Variants in GPATCH2L observed in about 807,000 individuals in gnomAD.
GPATCH2L encodes the protein G patch domain-containing protein 2-like.
GPATCH2L carries 31 observed loss-of-function variants against 57.4 expected under a neutral mutation model. That is an observed-to-expected ratio of 0.54 (90% CI 0.41 to 0.73). GPATCH2L has a LOEUF of 0.73. GPATCH2L is among the 30% of genes least tolerant of loss of function. The probability of loss-of-function intolerance (pLI) is 0.00; values close to 1 mark genes in which losing one functional copy is unlikely to be tolerated. For synonymous variants in GPATCH2L, 199 were observed against 210.7 expected (o/e 0.94, Z 0.48); for missense variants, 481 against 599.9 (o/e 0.80, Z 2.07).
In GPATCH2L at chr14:76,202,521, AAG is replaced by A. The variant is rs969636531; in HGVS notation, c.*673_*674del. The A allele has an allele frequency of 1.9e-4, 24 of 126,548 alleles. No homozygotes were observed. Among genetic ancestry groups the A allele is most frequent in the African/African-American group, 6.0e-4 (19 of 31,870 alleles). 7.8% of individuals were successfully genotyped at this position (126,548 alleles called of 1,614,324 possible). A position where few individuals can be genotyped will look rare whatever the true frequency, so the allele number is the denominator to read the frequency against. On this transcript the variant is annotated 3_prime_UTR_variant, in exon 10 of 10. Transcript: ENST00000261530. ...ATCTTCAGAGTTTATGTTCTACTGA[AAG>A]AGGACGTGTGTATACACACACACAC...
intron 9 of GPATCH2L, among the ~76,000 whole-genome samples, chr14:76,197,529 G>A: frequency 6.6e-6 from 1 of 152,134 alleles, no homozygotes; most frequent in East Asian, 1.9e-4. Context: ...GCTTCACTGA[G>A]CATTTTCTTT....
intron 7 of GPATCH2L, among the ~76,000 whole-genome samples, chr14:76,180,558 CT>C (rs930896717): frequency 1.9e-4 from 29 of 151,712 alleles, no homozygotes; most frequent in Admixed American, 6.6e-4. Context: ...TAAGGAATAG[CT>C]TTTTTTTTCC....
At chr14:76,164,519 ACT>A (rs2139607600) in intron 2 of GPATCH2L, among the ~76,000 whole-genome samples, 1 of 152,290 alleles carries the variant, frequency 6.6e-6, no homozygotes, top group African/African-American at 2.4e-5. Flanking sequence ...TTGGGTCTTT[ACT>A]TTATTGACTC....
rs566069795 is a variant in GPATCH2L at position 76,173,681 on chromosome 14, G to C, written c.984+56G>C. 76 of 1,064,596 alleles carry C rather than the reference G, an allele frequency of 7.1e-5. 2 individuals carry two copies. The South Asian group carries it at 8.3e-4, about 12-fold the overall frequency. The allele number at this position is 1,064,596 out of a possible 1,614,324, so 65.9% of individuals were successfully genotyped here. A position where few individuals can be genotyped will look rare whatever the true frequency, so the allele number is the denominator to read the frequency against. ...TGGGGAGATAATATTCCCTATGGGA[G>C]TTGTGTATCCTATTAACAATCAGAG... On this transcript the variant is annotated intron_variant, in intron 5 of 9. Transcript: ENST00000261530.
rs1226353103 is a variant in GPATCH2L, at chr14:76,192,244, T to C, written c.1194-3634T>C. On this transcript the variant is annotated intron_variant, in intron 8 of 9. Transcript: ENST00000261530. The stretch of plus-strand genomic sequence containing the variant: ...CAGATGGGGACTTCACATAGAAAAA[T>C]AGATTTTCCCAAGCTGTAAACTCTA... Among the ~76,000 whole-genome samples the C allele has an allele frequency of 2.0e-5, 3 of 151,214 alleles. No homozygotes were observed. In the South Asian group the frequency reaches 6.2e-4, roughly 31 times the overall value.
At chr14:76,169,491 A>AGGTGAGGAGCCG (rs1566783300) in intron 3 of GPATCH2L, among the ~76,000 whole-genome samples, 1 of 151,974 alleles carries the variant, frequency 6.6e-6, no homozygotes, top group Non-Finnish European at 1.5e-5. Context: ...TAGAGGAGCC[A>AGGTGAGGAGCCG]GAGGTCAGGA....
At chr14:76,200,005 A>G (rs1173903456) in intron 9 of GPATCH2L, among the ~76,000 whole-genome samples, 2 of 152,234 alleles carry the variant, frequency 1.3e-5, no homozygotes, top group Non-Finnish European at 2.9e-5. Context: ...TCTTATTCAG[A>G]ATGAAACTCT....
intron 8 of GPATCH2L, among the ~76,000 whole-genome samples, chr14:76,194,640 G>A (rs2040090662): frequency 6.6e-6 from 1 of 152,136 alleles, no homozygotes; most frequent in South Asian, 2.1e-4. Context: ...TCTTAGGTTT[G>A]TCTGAGGTTC....
chr14:76,216,061 GGTAAAGCAGGGCCT>G (rs2040488233), downstream of GPATCH2L, among the ~76,000 whole-genome samples: 1 of 152,092 alleles, frequency 6.6e-6, no homozygotes, highest in Non-Finnish European at 1.5e-5. Context: ...GGATGCAGGA[GGTAAAGCAGGGCCT>G]GCTCAAGGCA....
At chr14:76,226,014 G>T (rs2040535069) in intron 1 of GPATCH2L, among the ~76,000 whole-genome samples, 1 of 152,178 alleles carries the variant, frequency 6.6e-6, no homozygotes. Flanking sequence ...CTGTCAGGGA[G>T]TAAATTCGTA....
intron 3 of GPATCH2L, among the ~76,000 whole-genome samples, chr14:76,167,238 T>C (rs2038884967): frequency 6.6e-6 from 1 of 152,198 alleles, no homozygotes. Context: ...TGAATAAGGC[T>C]GGTATAGTTA....
intron 6 of GPATCH2L, 37 bp downstream of exon 6, chr14:76,176,727 C>T (rs375779596): frequency 7.5e-5 from 104 of 1,388,382 alleles, no homozygotes; most frequent in Non-Finnish European, 1.0e-4. Context: ...TGCTAGTCTG[C>T]TCCTTGGAGG....
chr14:76,227,813 T>C (rs920251831), intron 1 of GPATCH2L, among the ~76,000 whole-genome samples: 2 of 152,174 alleles, frequency 1.3e-5, no homozygotes, highest in Non-Finnish European at 2.9e-5. Context: ...ACAGACTCCT[T>C]GGCTCAGCCC....
intron 2 of GPATCH2L, among the ~76,000 whole-genome samples, chr14:76,157,363 G>A (rs2111781): frequency 0.65 from 99,486 of 152,158 alleles, 33,548 homozygotes; most frequent in South Asian, 0.78. Flanking sequence ...TTTAAAAAGG[G>A]CTGGCATTAG....
At chr14:76,158,814 C>G (rs2038432738) in intron 2 of GPATCH2L, among the ~76,000 whole-genome samples, 1 of 152,170 alleles carries the variant, frequency 6.6e-6, no homozygotes, top group African/African-American at 2.4e-5. Flanking sequence ...CACAGTTCTG[C>G]TAGTATCCTT....
At chr14:76,159,139 G>A (rs956890625) in intron 2 of GPATCH2L, among the ~76,000 whole-genome samples, 3 of 152,202 alleles carry the variant, frequency 2.0e-5, no homozygotes, top group African/African-American at 7.2e-5. Flanking sequence ...CGCTTACTTA[G>A]TTGCTGTGGA....
Position 76,194,177 on chromosome 14 carries a change from C to T in GPATCH2L, c.1194-1701C>T, listed in dbSNP as rs141843714. Among the ~76,000 whole-genome samples the T allele has an allele frequency of 7.9e-5, 12 of 152,162 alleles. No individual in the cohort carries two copies. The East Asian group carries it at 2.3e-3, about 29-fold the overall frequency. On this transcript the variant is annotated intron_variant, in intron 8 of 9. Transcript: ENST00000261530. ...CTTAGACTTGTTCCCAGGATTTATGCAAGGTATGAAAAAGGAAGCGTTTTC... is the reference window on the plus strand; with the variant it reads ...CTTAGACTTGTTCCCAGGATTTATGTAAGGTATGAAAAAGGAAGCGTTTTC...
At position 76,211,927 on chromosome 14, in the gene GPATCH2L, A is replaced by G. The variant is rs1278052647; in HGVS notation, c.*10076A>G. 2 of 152,264 alleles carry G rather than the reference A, an allele frequency of 1.3e-5. No individual in the cohort carries two copies. The highest frequency in any genetic ancestry group is 4.8e-5 in the African/African-American group (2 of 41,546). 9.4% of individuals were successfully genotyped at this position (152,264 alleles called of 1,614,324 possible). On this transcript the variant is annotated 3_prime_UTR_variant, in exon 10 of 10. Transcript: ENST00000261530. ...AGCTTCTGACTGACCAGCATTTTAA[A>G]TTAGGCGATGCAGTCTAGCTTTTGT... is the stretch of plus-strand genomic sequence containing the variant.
chr14:76,234,429 A>C (rs1457857306), intron 2 of GPATCH2L: 1 of 152,156 alleles, frequency 6.6e-6, no homozygotes, highest in African/African-American at 2.4e-5. Flanking sequence ...GATGTGGCAA[A>C]GGTGATGAGA....
Sources: gnomAD v4.1 joint callset for allele counts (sites outside exome capture counted in the v4.1 genomes callset) on GRCh38, gnomAD v4.1.1 for gene constraint, MANE v1.5 for transcripts, NCBI Gene and HGNC (gene_info 2026-07-23, HGNC 2026-07-21) for gene names.